FUT8: variants seen among roughly 807,000 people sequenced by gnomAD.
FUT8 encodes the protein fucosyltransferase 8, also known as alpha-(1,6)-fucosyltransferase.
In FUT8, 29 loss-of-function variants were observed where a neutral mutation model predicts 71.3. That is an observed-to-expected ratio of 0.41 (90% confidence interval 0.30 to 0.55). The LOEUF (loss-of-function observed/expected upper bound fraction) is 0.55, where lower values mean the gene tolerates loss of function less well. FUT8 is among the 20% of genes least tolerant of loss of function. FUT8 has a pLI of 0.34. For missense variants in FUT8, 544 were observed against 702.1 expected (o/e 0.77, Z 2.55); for synonymous variants, 254 against 239.3 (o/e 1.06, Z -0.57).
chr14:65,463,631 T>C (rs1247051810), intron 2 of FUT8, among the ~76,000 whole-genome samples: 2 of 152,180 alleles, frequency 1.3e-5, no homozygotes, highest in Non-Finnish European at 1.5e-5. Context: ...ACTTGAACTT[T>C]TGGTGTGGGC....
At chr14:65,741,700 C>T (rs1896511039) in intron 10 of FUT8, among the ~76,000 whole-genome samples, 1 of 151,956 alleles carries the variant, frequency 6.6e-6, no homozygotes, top group Admixed American at 6.6e-5. Context: ...TAATCCTAAA[C>T]TTCAAATTCT....
intron 1 of FUT8, among the ~76,000 whole-genome samples, chr14:65,435,752 A>G (rs954194306): frequency 2.7e-5 from 4 of 149,730 alleles, no homozygotes; most frequent in South Asian, 2.1e-4. Flanking sequence ...CAGTTGCTCT[A>G]CATCCTTACT....
chr14:65,455,375 A>C (rs1422280824), intron 1 of FUT8, among the ~76,000 whole-genome samples: 1 of 152,220 alleles, frequency 6.6e-6, no homozygotes, highest in Non-Finnish European at 1.5e-5. Context: ...ACTTATTGTA[A>C]GTTGAACTAT....
At chr14:65,402,817 A>T in the FUT8 span, among the ~76,000 whole-genome samples, 2 of 152,114 alleles carry the variant, frequency 1.3e-5, no homozygotes, top group African/African-American at 4.8e-5. Context: ...TTTTAAACTA[A>T]ATGATCAGTC....
chr14:65,431,109 C>G (rs1329941405), intron 1 of FUT8, among the ~76,000 whole-genome samples: 1 of 150,938 alleles, frequency 6.6e-6, no homozygotes, highest in African/African-American at 2.4e-5. Context: ...GATTCTCCTG[C>G]CTCAGCCTCC....
At chr14:65,692,750 C>T (rs572813019) in intron 7 of FUT8, among the ~76,000 whole-genome samples, 297 of 145,774 alleles carry the variant, frequency 2.0e-3, no homozygotes, top group Non-Finnish European at 3.2e-3. Context: ...ACTTCTCAGA[C>T]GGGGTGGTTG....
In FUT8 at chr14:65,603,538, G is replaced by C. The variant is rs1888417951; in HGVS notation, c.204-12440G>C. Among the ~76,000 whole-genome samples the C allele has an allele frequency of 6.6e-6, 1 of 151,396 alleles. No individual in the cohort carries two copies. Among genetic ancestry groups the C allele is most frequent in the Admixed American group, 6.6e-5 (1 of 15,136 alleles). Reference sequence around the variant, plus strand: ...AAGAATGATGGCGGTATTTTGATGGGGATTGCATTGAATTTGTAGATTTGG... The same window carrying C: ...AAGAATGATGGCGGTATTTTGATGGCGATTGCATTGAATTTGTAGATTTGG... On this transcript the variant is annotated intron_variant, in intron 3 of 10. Coordinates refer to ENST00000673929, the MANE Select transcript of FUT8 (RefSeq NM_001371533.1). This position sits in a 1 kb window ranked among gnomAD's most constrained non-coding sequence, Gnocchi z 4.5.
At position 65,619,037 on chromosome 14, in the gene FUT8, C is replaced by T. The variant is rs141445610; in HGVS notation, c.482+2664C>T. On this transcript the variant is annotated intron_variant, in intron 5 of 10. Coordinates refer to ENST00000673929, the MANE Select transcript of FUT8 (RefSeq NM_001371533.1). The stretch of plus-strand genomic sequence containing the variant: ...TGAAGTGGGGTGTAGTATTATGGAA[C>T]TGAGAGGTCTGGGCTAATTCTGGGT... Among the ~76,000 whole-genome samples, 603 of 152,190 alleles carry T rather than the reference C, an allele frequency of 4.0e-3. 4 individuals are homozygous for T. The highest frequency in any genetic ancestry group is 7.0e-3 in the Non-Finnish European group (479 of 68,006).
chr14:65,518,253 GT>G (rs1273949908), intron 2 of FUT8, among the ~76,000 whole-genome samples: 10 of 152,124 alleles, frequency 6.6e-5, no homozygotes, highest in Non-Finnish European at 2.9e-5. Context: ...TTTGAATGAT[GT>G]TTTGGAGCTC....
chr14:65,697,664 C>T (rs910934025), intron 7 of FUT8, among the ~76,000 whole-genome samples: 2 of 152,154 alleles, frequency 1.3e-5, no homozygotes, highest in Non-Finnish European at 2.9e-5. Flanking sequence ...AGGCCAGGTG[C>T]GGTGGCTCAC....
At chr14:65,441,369 T>C (rs1432368998) in intron 1 of FUT8, among the ~76,000 whole-genome samples, 1 of 152,208 alleles carries the variant, frequency 6.6e-6, no homozygotes, top group East Asian at 1.9e-4. Flanking sequence ...ACATATATGT[T>C]GATAATTATT....
chr14:65,577,462 A>G (rs1173892075), intron 3 of FUT8, among the ~76,000 whole-genome samples: 1 of 152,170 alleles, frequency 6.6e-6, no homozygotes, highest in Non-Finnish European at 1.5e-5. Flanking sequence ...AATGGCAATA[A>G]TATCTATTTT....
At chr14:65,443,627 A>G (rs548048552) in intron 1 of FUT8, among the ~76,000 whole-genome samples, 2 of 151,798 alleles carry the variant, frequency 1.3e-5, no homozygotes, top group South Asian at 2.1e-4. Flanking sequence ...AACTAAAGCA[A>G]GAAGACTGCT....
intron 7 of FUT8, among the ~76,000 whole-genome samples, chr14:65,718,203 A>T (rs1895221133): frequency 1.3e-5 from 2 of 149,862 alleles, no homozygotes; most frequent in African/African-American, 4.9e-5. Flanking sequence ...GTTTGTTTTA[A>T]TTTCTTGCTT....
chr14:65,436,699 A>G (rs989978601), intron 1 of FUT8, among the ~76,000 whole-genome samples: 1 of 152,050 alleles, frequency 6.6e-6, no homozygotes, highest in Non-Finnish European at 1.5e-5. Context: ...TTTGACAAGC[A>G]TTGGGGTTGC....
intron 2 of FUT8, among the ~76,000 whole-genome samples, chr14:65,551,445 A>C (rs1224448198): frequency 1.3e-5 from 2 of 152,224 alleles, no homozygotes; most frequent in Non-Finnish European, 2.9e-5. Flanking sequence ...TATAAAGATA[A>C]GTCTCAGAAA....
At chr14:65,571,240 A>C (rs925457370) in intron 3 of FUT8, among the ~76,000 whole-genome samples, 5 of 152,128 alleles carry the variant, frequency 3.3e-5, no homozygotes, top group African/African-American at 1.2e-4. Flanking sequence ...CCAGGATGGG[A>C]TTTAGGTAGG....
chr14:65,571,093 G>A (rs962544846), intron 3 of FUT8, among the ~76,000 whole-genome samples: 4 of 152,062 alleles, frequency 2.6e-5, no homozygotes, highest in East Asian at 3.8e-4. Context: ...CTGTGATTCT[G>A]GGTGCTGCTG....
At chr14:65,458,256 C>T (rs1281558241) in intron 2 of FUT8, 1 of 152,010 alleles carries the variant, frequency 6.6e-6, no homozygotes, top group Non-Finnish European at 1.5e-5. Context: ...TCTCTCTTCC[C>T]TCAGTAGACC....
Sources: allele counts gnomAD v4.1 joint callset (sites outside exome capture counted in the v4.1 genomes callset), GRCh38; gene constraint gnomAD v4.1.1; non-coding constraint Gnocchi (gnomAD v3.1); transcripts MANE v1.5; gene names NCBI Gene and HGNC (gene_info 2026-07-23, HGNC 2026-07-21).